The following PTPRK variants were observed in gnomAD, a reference collection of about 807,000 sequenced individuals.
PTPRK encodes the protein receptor-type tyrosine-protein phosphatase kappa.
In PTPRK, 75 loss-of-function variants were observed where a neutral mutation model predicts 178.0. That is an observed-to-expected ratio of 0.42 (90% CI 0.35 to 0.51). The LOEUF (loss-of-function observed/expected upper bound fraction) is 0.51. Among genes scored for constraint, PTPRK ranks in the 20% least tolerant of loss-of-function variants. The pLI is 0.02. For missense variants in PTPRK, 1,441 were observed against 1,797.8 expected, an observed-to-expected ratio of 0.80 and a Z score of 3.59; for synonymous variants, 637 against 620.6, an observed-to-expected ratio of 1.03 and a Z score of -0.39.
chr6:128,219,178 G>T (rs1265263653), intron 5 of PTPRK, 82 bp from the exon 6 acceptor site: 5 of 1,274,954 alleles, frequency 3.9e-6, no homozygotes, highest in South Asian at 1.5e-5. Context: ...CAATATCTGT[G>T]ATAAATTATT....
intron 24 of PTPRK, among the ~76,000 whole-genome samples, chr6:127,982,529 C>T (rs1775472278): frequency 1.3e-5 from 2 of 152,146 alleles, no homozygotes; most frequent in Non-Finnish European, 2.9e-5. Flanking sequence ...CCGCCTCGGC[C>T]TCCCAAAGTG....
chr6:127,985,625 G>A lies in PTPRK; in HGVS notation c.3251+96C>T, dbSNP rs530952360. The A allele has an allele frequency of 9.3e-5, 123 of 1,327,484 alleles. 1 individual carries two copies. In the South Asian group the frequency reaches 1.8e-3, roughly 20 times the overall value. 82.2% of individuals were successfully genotyped at this position (1,327,484 alleles called of 1,614,324 possible). On this transcript the variant is annotated intron_variant, in intron 22 of 29. Coordinates refer to ENST00000368226, the MANE Select transcript of PTPRK (RefSeq NM_002844.4). The stretch of plus-strand genomic sequence containing the variant: ...TATAATACAAGCAAGCTGGAACTTC[G>A]TAAGCACACATTAGTTTTTGTGCTC...
chr6:128,378,389 G>A (rs1562392474), intron 2 of PTPRK, among the ~76,000 whole-genome samples: 1 of 152,070 alleles, frequency 6.6e-6, no homozygotes, highest in Non-Finnish European at 1.5e-5. Flanking sequence ...ACACAGAGAT[G>A]TACATACAAA....
intron 11 of PTPRK, among the ~76,000 whole-genome samples, chr6:128,073,622 A>G (rs1472282771): frequency 6.6e-6 from 1 of 152,012 alleles, no homozygotes; most frequent in Non-Finnish European, 1.5e-5. Context: ...AAGCTAAGAC[A>G]GGTCTGGCTC....
intron 13 of PTPRK, among the ~76,000 whole-genome samples, chr6:128,034,499 A>G (rs141792799): frequency 6.6e-6 from 1 of 152,328 alleles, no homozygotes; most frequent in East Asian, 1.9e-4. Context: ...AGTCAGTACA[A>G]AATTATTAAA....
chr6:128,116,612 T>C (rs1330337196), intron 7 of PTPRK, among the ~76,000 whole-genome samples: 1 of 152,222 alleles, frequency 6.6e-6, no homozygotes, highest in Non-Finnish European at 1.5e-5. Context: ...CACATCCCTA[T>C]ACCTATATCA....
intron 1 of PTPRK, among the ~76,000 whole-genome samples, chr6:128,451,362 A>C (rs549380903): frequency 6.6e-6 from 1 of 152,336 alleles, no homozygotes; most frequent in Admixed American, 6.5e-5. Context: ...ATAAAGTTTT[A>C]GATTCTGATT....
intron 15 of PTPRK, chr6:128,003,170 A>G: frequency 6.3e-7 from 1 of 1,585,290 alleles, no homozygotes; most frequent in Non-Finnish European, 8.6e-7. Context: ...CATGCAATGA[A>G]AAGATGATAA....
chr6:128,301,200 A>G (rs1825553041), intron 3 of PTPRK, among the ~76,000 whole-genome samples: 1 of 152,192 alleles, frequency 6.6e-6, no homozygotes, highest in Non-Finnish European at 1.5e-5. Context: ...ATAAAGCCAC[A>G]AAAATATAGC....
At chr6:128,121,179 T>C (rs1792400138) in intron 7 of PTPRK, among the ~76,000 whole-genome samples, 4 of 151,854 alleles carry the variant, frequency 2.6e-5, no homozygotes, top group Admixed American at 2.6e-4. Context: ...AAAGGTAAAA[T>C]AAATTAGCCT....
intron 1 of PTPRK, among the ~76,000 whole-genome samples, chr6:128,509,839 T>C (rs1856911768): frequency 6.6e-6 from 1 of 152,116 alleles, no homozygotes; most frequent in Non-Finnish European, 1.5e-5. Context: ...CCAAAGGCAT[T>C]GGTTCTGAGG....
At chr6:128,272,519 T>A (rs1026839855) in intron 3 of PTPRK, among the ~76,000 whole-genome samples, 4 of 151,750 alleles carry the variant, frequency 2.6e-5, no homozygotes, top group African/African-American at 4.8e-5. Flanking sequence ...CAAGAAAAAA[T>A]CAAACAATCT....
chr6:128,355,031 G>A (rs559829065), intron 2 of PTPRK, among the ~76,000 whole-genome samples: 49 of 152,292 alleles, frequency 3.2e-4, no homozygotes, highest in Admixed American at 3.3e-4. Context: ...CACTTTACTG[G>A]AGAGTTACAA....
At chr6:128,098,488 C>A (rs538467683) in intron 7 of PTPRK, among the ~76,000 whole-genome samples, 1 of 152,010 alleles carries the variant, frequency 6.6e-6, no homozygotes, top group African/African-American at 2.4e-5. Context: ...CGAGTCGTAC[C>A]AGCAGAAGCC....
intron 2 of PTPRK, among the ~76,000 whole-genome samples, chr6:128,369,072 C>G (rs1163183300): frequency 6.6e-6 from 1 of 152,052 alleles, no homozygotes; most frequent in Admixed American, 6.6e-5. Flanking sequence ...TAAATTCTAC[C>G]ATCACTTCAC....
At chr6:128,196,156 TGTAG>T (rs1804820321) in intron 6 of PTPRK, among the ~76,000 whole-genome samples, 1 of 152,224 alleles carries the variant, frequency 6.6e-6, no homozygotes, top group African/African-American at 2.4e-5. Context: ...TTGGAGAATA[TGTAG>T]GCTTAATGAT....
chr6:128,230,600 A>G (rs1397783666), intron 5 of PTPRK: 1 of 152,152 alleles, frequency 6.6e-6, no homozygotes, highest in African/African-American at 2.4e-5. Context: ...CAATAAAATA[A>G]TTTTGTAAAT....
Position 128,083,824 on chromosome 6 carries a change from A to G in PTPRK, c.1466T>C (p.Val489Ala). Residue 489 changes from valine to alanine, a missense_variant and splice_region_variant, in exon 9 of 30, where the codon GTG (valine) becomes GCG (alanine). By Grantham distance (64) the Val-to-Ala change is moderately conservative. Around this residue, in one of 4 missense-constraint regions of PTPRK, gnomAD observed 945 missense variants for 1,080.6 expected, o/e 0.87. Transcript: ENST00000368226. ...AGATTTTACTGGTACGGGACCAGGC[A>G]CTACAAAACACATGAATTTTTTGTT... is the stretch of plus-strand genomic sequence containing the variant. Reference protein sequence around the residue: ...EETIIQTDEDVPGPVPVKSLQ... With the variant: ...EETIIQTDEDAPGPVPVKSLQ... The G allele has an allele frequency of 6.6e-7, 1 of 1,522,102 alleles. No individual in the cohort carries two copies. Among genetic ancestry groups the G allele is most frequent in the Admixed American group, 1.9e-5 (1 of 51,394 alleles). 94.3% of individuals were successfully genotyped at this position (1,522,102 alleles called of 1,614,324 possible).
intron 1 of PTPRK, among the ~76,000 whole-genome samples, chr6:128,409,951 G>A (rs1190397414): frequency 1.3e-5 from 2 of 152,068 alleles, no homozygotes; most frequent in Non-Finnish European, 2.9e-5. Context: ...CGTGAAAATG[G>A]ACTAATACAC....
Sources: allele counts gnomAD v4.1 joint callset (sites outside exome capture counted in the v4.1 genomes callset), GRCh38; gene constraint gnomAD v4.1.1; regional missense constraint gnomAD v4.1.1; transcripts MANE v1.5; gene names NCBI Gene and HGNC (gene_info 2026-07-23, HGNC 2026-07-21).